The following APOL6 variants were observed in gnomAD, a reference collection of about 807,000 sequenced individuals.
APOL6 encodes apolipoprotein L, 6.
Under a neutral mutation model 2.4 loss-of-function variants are expected in APOL6, and 1 was observed. The observed-to-expected ratio is 0.41, with a 90% CI of 0.15 to 1.94. The LOEUF (loss-of-function observed/expected upper bound fraction) is 1.94. APOL6 is among the 30% of genes most tolerant of loss of function. APOL6 has a pLI of 0.30. For missense variants in APOL6, 438 were observed against 429.2 expected (o/e 1.02, Z -0.18); for synonymous variants, 189 against 169.3 (o/e 1.12, Z -0.90).
chr22:35,658,617 A>G lies in APOL6; in HGVS notation c.53A>G (p.Asp18Gly). ...ATCTTTATTTCATTTCTCCTCAGGG[A>G]TGAGGATGACGCTCCTCTGTGTGAA... ...ESEAGVGLQR[D>G]EDDAPLCEDV... The change falls in exon 3 of 3, where the codon GAT (aspartate) becomes GGT (glycine). Residue 18 changes from aspartate to glycine, a missense_variant and splice_region_variant. Asp to Gly is a moderately conservative substitution (Grantham distance 94). Coordinates refer to ENST00000409652, the MANE Select transcript of APOL6 (RefSeq NM_030641.4). 1 of 1,600,084 alleles carries G rather than the reference A, an allele frequency of 6.2e-7. No individual in the cohort carries two copies. The highest frequency in any genetic ancestry group is 8.5e-7 in the Non-Finnish European group (1 of 1,171,882).
In APOL6 at chr22:35,656,367, A is replaced by T; in HGVS notation, c.-47-12A>T. 6.2e-7 allele frequency: 1 copy of T among 1,604,164 alleles called. No individual in the cohort carries two copies. On this transcript the variant is annotated splice_polypyrimidine_tract_variant and intron_variant, in intron 1 of 2. Coordinates refer to ENST00000409652, the MANE Select transcript of APOL6 (RefSeq NM_030641.4). ...ATGTGCAGTAACGTTGTTTTTCTAC[A>T]TTCCTGACCAGAAAATCATTTGACT...
Position 35,664,717 on chromosome 22 carries a change from T to G in APOL6, c.*5121T>G, listed in dbSNP as rs916998099. On this transcript the variant is annotated 3_prime_UTR_variant, in exon 3 of 3. Transcript: ENST00000409652. ...TTTAGAATATAAAGTCATATTAAAT[T>G]AAATAATAGATAATTTATTATTTGG... 6.6e-6 allele frequency: 1 copy of G among 152,094 alleles called. No homozygotes were observed. The highest frequency in any genetic ancestry group is 6.5e-5 in the Admixed American group (1 of 15,270). 9.4% of individuals were successfully genotyped at this position (152,094 alleles called of 1,614,324 possible).
At chr22:35,652,776 A>G (rs1023196662) in intron 1 of APOL6, among the ~76,000 whole-genome samples, 1 of 151,962 alleles carries the variant, frequency 6.6e-6, no homozygotes, top group Middle Eastern at 3.2e-3. Flanking sequence ...TGGTACCAGT[A>G]CCATGCTGTT....
At chr22:35,655,122 G>A (rs1007367198) in intron 1 of APOL6, among the ~76,000 whole-genome samples, 28 of 152,120 alleles carry the variant, frequency 1.8e-4, no homozygotes, top group African/African-American at 6.7e-4. Flanking sequence ...TTTGTTGAAG[G>A]TGGCTATATA....
rs1198760531 is a variant in APOL6 at position 35,667,787 on chromosome 22, T to G, written c.*8191T>G. On this transcript the variant is annotated 3_prime_UTR_variant, in exon 3 of 3. Coordinates refer to ENST00000409652, the MANE Select transcript of APOL6 (RefSeq NM_030641.4). ...CTGTGATTAGTGTTTTTGGTGTTGTTTTATTTTTTTTCTTACAGGAACTCT... is the reference window on the plus strand; with the variant it reads ...CTGTGATTAGTGTTTTTGGTGTTGTGTTATTTTTTTTCTTACAGGAACTCT... 2 of 152,180 alleles carry G rather than the reference T, an allele frequency of 1.3e-5. No homozygotes were observed. The highest frequency in any genetic ancestry group is 4.8e-5 in the African/African-American group (2 of 41,448). The allele number at this position is 152,180 out of a possible 1,614,324, so 9.4% of individuals were successfully genotyped here. A position where few individuals can be genotyped will look rare whatever the true frequency, so the allele number is the denominator to read the frequency against.
chr22:35,657,695 A>G (rs185352422), intron 2 of APOL6, among the ~76,000 whole-genome samples: 2 of 152,254 alleles, frequency 1.3e-5, no homozygotes, highest in Admixed American at 1.3e-4. Flanking sequence ...GATCCTCTCC[A>G]GGCCTCCCTC....
intron 1 of APOL6, among the ~76,000 whole-genome samples, chr22:35,652,784 G>C (rs1487326702): frequency 1.8e-4 from 28 of 151,992 alleles, no homozygotes; most frequent in Admixed American, 1.8e-3. Context: ...GTACCATGCT[G>C]TTTTGGTTAC....
rs1925097178 is a variant in APOL6 at position 35,663,798 on chromosome 22, T to A, written c.*4202T>A. 2 of 152,148 alleles carry A rather than the reference T, an allele frequency of 1.3e-5. No homozygotes were observed. The highest frequency in any genetic ancestry group is 4.8e-5 in the African/African-American group (2 of 41,430). The allele number at this position is 152,148 out of a possible 1,614,324, so 9.4% of individuals were successfully genotyped here. The stretch of plus-strand genomic sequence containing the variant: ...TAAGGCTATTTAGCTGACAACTGCC[T>A]AGGGTTGTAAAACAGGTTATCAAGA... On this transcript the variant is annotated 3_prime_UTR_variant, in exon 3 of 3. Transcript: ENST00000409652.
intron 1 of APOL6, among the ~76,000 whole-genome samples, chr22:35,655,284 G>T (rs1403259405): frequency 1.3e-5 from 2 of 152,138 alleles, no homozygotes; most frequent in Non-Finnish European, 2.9e-5. Flanking sequence ...ACTTAGAAGG[G>T]CAGAGGGAAA....
In APOL6 at chr22:35,660,814, C is replaced by T. The variant is rs1338798699; in HGVS notation, c.*1218C>T. On this transcript the variant is annotated 3_prime_UTR_variant, in exon 3 of 3. Transcript: ENST00000409652. ...ATGCCTAAAGGCAGGGCCCTCATGA[C>T]TCTATCACCTACCAAAAGGCTCCAC... 6.6e-6 allele frequency: 1 copy of T among 152,258 alleles called. No individual in the cohort carries two copies. The highest frequency in any genetic ancestry group is 1.5e-5 in the Non-Finnish European group (1 of 68,054). The allele number at this position is 152,258 out of a possible 1,614,324, so 9.4% of individuals were successfully genotyped here.
intron 1 of APOL6, among the ~76,000 whole-genome samples, chr22:35,654,946 C>A (rs1048331166): frequency 2.0e-5 from 3 of 152,154 alleles, no homozygotes; most frequent in African/African-American, 4.8e-5. Flanking sequence ...ACTTTAGACC[C>A]TTATAGGCCT....
intron 2 of APOL6, among the ~76,000 whole-genome samples, chr22:35,657,421 A>G (rs1468963846): frequency 6.6e-6 from 1 of 152,218 alleles, no homozygotes; most frequent in Non-Finnish European, 1.5e-5. Context: ...TGGTATATTT[A>G]GTTTCTAATC....
rs1470540049 is a variant in APOL6 at position 35,659,276 on chromosome 22, G to T, written c.712G>T (p.Gly238Cys). Residue 238 changes from glycine to cysteine, a missense_variant, in exon 3 of 3, where the codon GGT becomes TGT. Physicochemically the swap from Gly to Cys is radical, Grantham distance 159. Transcript: ENST00000409652. ...AMTKNARVLG[G>C]VMSAFSLGYD... ...GACCAAAAATGCTCGCGTGCTGGGA[G>T]GTGTGATGTCCGCCTTCTCCCTTGG... 6.2e-7 allele frequency: 1 copy of T among 1,614,066 alleles called. No homozygotes were observed. Among genetic ancestry groups the T allele is most frequent in the Admixed American group, 1.7e-5 (1 of 60,006 alleles).
chr22:35,650,945 A>ATT lies in APOL6; in HGVS notation c.-48+2328_-48+2329dup, dbSNP rs566375532. On this transcript the variant is annotated intron_variant, in intron 1 of 2. Transcript: ENST00000409652. ...AATTCAGTCTCAAAAAAAAAAAAAA[A>ATT]TTTTTTTAAAAATAAAGAATTTGTG... Among the ~76,000 whole-genome samples, 106 of 151,184 alleles carry ATT rather than the reference A, an allele frequency of 7.0e-4. 1 individual carries two copies. The highest frequency in any genetic ancestry group is 1.8e-3 in the African/African-American group (76 of 41,084).
In APOL6 at chr22:35,659,008, C is replaced by T. The variant is rs778670459; in HGVS notation, c.444C>T (p.Thr148=). 6.2e-7 allele frequency: 1 copy of T among 1,613,908 alleles called. No individual in the cohort carries two copies. Among genetic ancestry groups the T allele is most frequent in the South Asian group, 1.1e-5 (1 of 91,080 alleles). Residue 148 remains threonine (T), a synonymous_variant, in exon 3 of 3, where the codon ACC becomes ACT. Transcript: ENST00000409652. ...CACGGGCGGAAGACATACTGCCCACCTACGACCAAGAGGACAGGGAGGATG... is the reference window on the plus strand; with the variant it reads ...CACGGGCGGAAGACATACTGCCCACTTACGACCAAGAGGACAGGGAGGATG... ...AQARAEDILP[T]YDQEDREDEE...
At position 35,654,502 on chromosome 22, in the gene APOL6, G is replaced by T. The variant is rs151057051; in HGVS notation, c.-47-1877G>T. 1.7e-3 allele frequency among the ~76,000 whole-genome samples: 255 copies of T among 151,668 alleles called. 2 individuals are homozygous for T. The highest frequency in any genetic ancestry group is 6.0e-3 in the African/African-American group (246 of 41,322). On this transcript the variant is annotated intron_variant, in intron 1 of 2. Transcript: ENST00000409652. ...ATTCCAAGGGTTTTAAGAGCCCTGT[G>T]CCAGAAATGGGGATAAGAACTCTCT...
At position 35,667,107 on chromosome 22, in the gene APOL6, C is replaced by G. The variant is rs1313668376; in HGVS notation, c.*7511C>G. ...ACTTGACTTATGGAACCAATAAAGT[C>G]CTTGGAAAAACTGGCCCCATATTTT... On this transcript the variant is annotated 3_prime_UTR_variant, in exon 3 of 3. Transcript: ENST00000409652. The G allele has an allele frequency of 1.3e-5, 2 of 152,180 alleles. No homozygotes were observed. Among genetic ancestry groups the G allele is most frequent in the Non-Finnish European group, 2.9e-5 (2 of 68,028 alleles). 9.4% of individuals were successfully genotyped at this position (152,180 alleles called of 1,614,324 possible). A position where few individuals can be genotyped will look rare whatever the true frequency, so the allele number is the denominator to read the frequency against.
intron 1 of APOL6, among the ~76,000 whole-genome samples, chr22:35,652,242 GTTGT>G (rs1214079804): frequency 7.1e-6 from 1 of 140,352 alleles, no homozygotes; most frequent in Admixed American, 7.5e-5. Flanking sequence ...TTTTGATGGA[GTTGT>G]TTGTTTTTTT....
rs977637322 is a variant in APOL6 at position 35,658,677 on chromosome 22, A to G, written c.113A>G (p.Glu38Gly). The part of the protein sequence containing the change: ...VELQDGDLSP[E>G]EKIFLREFPR... The stretch of plus-strand genomic sequence containing the variant: ...CTACAAGACGGAGATCTGTCCCCCG[A>G]AGAAAAAATATTTTTGAGAGAATTT... The change falls in exon 3 of 3, where the codon GAA (glutamate) becomes GGA (glycine). Residue 38 changes from glutamate (E) to glycine (G), a missense_variant. Transcript: ENST00000409652. 5.0e-6 allele frequency: 8 copies of G among 1,614,008 alleles called. No homozygotes were observed. Among genetic ancestry groups the G allele is most frequent in the East Asian group, 4.5e-5 (2 of 44,890 alleles).
Sources: gnomAD v4.1 joint callset for allele counts (sites outside exome capture counted in the v4.1 genomes callset) on GRCh38, gnomAD v4.1.1 for gene constraint, MANE v1.5 for transcripts, NCBI Gene and HGNC (gene_info 2026-07-23, HGNC 2026-07-21) for gene names.